NRG3: variants seen among roughly 807,000 people sequenced by gnomAD.
NRG3 encodes neuregulin 3, also known as pro-neuregulin-3, membrane-bound isoform.
A neutral mutation model predicts 66.9 loss-of-function variants in NRG3; 31 were observed. The ratio of observed to expected loss-of-function variants is 0.46; its 90% CI spans 0.35 to 0.63. The LOEUF is 0.63. NRG3 is among the 20% of genes least tolerant of loss of function. The probability of loss-of-function intolerance (pLI) is 0.00; values close to 1 mark genes in which losing one functional copy is unlikely to be tolerated. For missense variants in NRG3, 910 were observed against 878.9 expected (o/e 1.04, Z -0.45); for synonymous variants, 393 against 359.4 (o/e 1.09, Z -1.06).
At chr10:82,075,577 T>G (rs2065045803) in intron 1 of NRG3, among the ~76,000 whole-genome samples, 1 of 152,170 alleles carries the variant, frequency 6.6e-6, no homozygotes, top group Non-Finnish European at 1.5e-5. Context: ...GTAGTGTGAC[T>G]GGGGAGAATG....
At chr10:81,955,897 G>GT (rs1564688424) in intron 1 of NRG3, among the ~76,000 whole-genome samples, 1 of 152,110 alleles carries the variant, frequency 6.6e-6, no homozygotes, top group Non-Finnish European at 1.5e-5. Context: ...AATAGACACC[G>GT]TAAGCTTTTT....
chr10:82,106,473 G>A (rs573442492), intron 1 of NRG3, among the ~76,000 whole-genome samples: 5 of 151,492 alleles, frequency 3.3e-5, no homozygotes, highest in African/African-American at 1.2e-4. Context: ...AAGCTCATTT[G>A]CTCTAGATTT....
chr10:81,964,236 G>T (rs1041522634), intron 1 of NRG3, among the ~76,000 whole-genome samples: 1 of 151,512 alleles, frequency 6.6e-6, no homozygotes, highest in East Asian at 1.9e-4. Flanking sequence ...TCATTTAACC[G>T]TATTGAGTTG....
At chr10:82,955,937 A>G (rs1047840502) in intron 5 of NRG3, among the ~76,000 whole-genome samples, 1 of 151,870 alleles carries the variant, frequency 6.6e-6, no homozygotes, top group Non-Finnish European at 1.5e-5. Context: ...GTGCAAGACC[A>G]TGCCAGCTTC....
At chr10:81,940,569 G>A (rs1848321842) in intron 1 of NRG3, among the ~76,000 whole-genome samples, 1 of 151,676 alleles carries the variant, frequency 6.6e-6, no homozygotes, top group Admixed American at 6.6e-5. Context: ...TGTTGTGCAG[G>A]CTCCTAGTCT....
chr10:82,105,089 A>T (rs773269975), intron 1 of NRG3, among the ~76,000 whole-genome samples: 5 of 152,170 alleles, frequency 3.3e-5, no homozygotes, highest in Admixed American at 2.0e-4. Context: ...ATATTTTCTG[A>T]GGTTATAGAT....
At chr10:82,192,698 C>G (rs184989221) in intron 1 of NRG3, among the ~76,000 whole-genome samples, 5 of 152,142 alleles carry the variant, frequency 3.3e-5, no homozygotes, top group Non-Finnish European at 7.4e-5. Context: ...TTATTGAGCA[C>G]TGATTATTTA....
chr10:82,242,540 A>C (rs2077051076), intron 1 of NRG3, among the ~76,000 whole-genome samples: 1 of 152,216 alleles, frequency 6.6e-6, no homozygotes, highest in Non-Finnish European at 1.5e-5. Flanking sequence ...ATAAGAAAAA[A>C]GTCATTTATA....
At chr10:82,629,825 G>C (rs1025479020) in intron 2 of NRG3, among the ~76,000 whole-genome samples, 1 of 152,194 alleles carries the variant, frequency 6.6e-6, no homozygotes, top group Admixed American at 6.5e-5. Flanking sequence ...GGAACCTTCA[G>C]ATAGTCTTGA....
chr10:82,661,009 G>C (rs1160417590), intron 2 of NRG3, among the ~76,000 whole-genome samples: 1 of 151,998 alleles, frequency 6.6e-6, no homozygotes, highest in Non-Finnish European at 1.5e-5. Context: ...TCTGTATATA[G>C]TGAAAATTAA....
At chr10:81,877,791 C>G (rs1248655109) in intron 1 of NRG3, 2 of 1,373,012 alleles carry the variant, frequency 1.5e-6, no homozygotes, top group African/African-American at 3.0e-5. Flanking sequence ...TTTGAGAGCA[C>G]ATTTTCCCAG....
intron 1 of NRG3, among the ~76,000 whole-genome samples, chr10:82,198,452 T>A (rs554516359): frequency 3.9e-5 from 6 of 152,316 alleles, no homozygotes; most frequent in African/African-American, 1.4e-4. Flanking sequence ...GTAACAGCAC[T>A]ACCCGGTGCT....
chr10:82,158,473 T>A (rs996125710), intron 1 of NRG3, among the ~76,000 whole-genome samples: 7 of 151,760 alleles, frequency 4.6e-5, no homozygotes, highest in African/African-American at 1.7e-4. Flanking sequence ...TATTTGAAAG[T>A]CTAAAATAGG....
At chr10:82,683,445 G>A (rs1008964051) in intron 2 of NRG3, among the ~76,000 whole-genome samples, 4 of 152,006 alleles carry the variant, frequency 2.6e-5, no homozygotes, top group African/African-American at 7.2e-5. Context: ...CTTGCCTACT[G>A]TAACACCTAA....
chr10:82,460,077 A>G (rs2091443457), intron 2 of NRG3, among the ~76,000 whole-genome samples: 1 of 152,090 alleles, frequency 6.6e-6, no homozygotes, highest in Admixed American at 6.5e-5. Context: ...TTTGCTGCCT[A>G]CACAATCTCA....
rs575488651 is a variant in NRG3, at chr10:82,232,833, C to A, written c.824-125906C>A. 3 of 717,292 alleles carry A rather than the reference C, an allele frequency of 4.2e-6. No homozygotes were observed. In the African/African-American group the frequency reaches 5.2e-5, roughly 13 times the overall value. 44.4% of individuals were successfully genotyped at this position (717,292 alleles called of 1,614,324 possible). The stretch of plus-strand genomic sequence containing the variant: ...AACAGGAGCAAGGTAAGTTGTAAGG[C>A]ATGGCCTTTGTTGGGGTTTCTGAGA... On this transcript the variant is annotated intron_variant, in intron 1 of 8. Transcript: ENST00000372141.
At chr10:82,834,231 C>T (rs1259516294) in intron 3 of NRG3, among the ~76,000 whole-genome samples, 1 of 152,114 alleles carries the variant, frequency 6.6e-6, no homozygotes, top group African/African-American at 2.4e-5. Flanking sequence ...CTGTATTAGC[C>T]AGGAAACTGA....
intron 2 of NRG3, among the ~76,000 whole-genome samples, chr10:82,542,383 T>C (rs1284621869): frequency 6.6e-6 from 1 of 152,306 alleles, no homozygotes; most frequent in Non-Finnish European, 1.5e-5. Context: ...AGTCAATTTA[T>C]CAGGCATCCC....
intron 2 of NRG3, among the ~76,000 whole-genome samples, chr10:82,442,784 A>ATTTTTTTTTTTTTTTTTTTTTTTTTTTT (rs61261285): frequency 1.8e-5 from 1 of 54,254 alleles, no homozygotes; most frequent in African/African-American, 9.1e-5. Context: ...TTCTGTGTGG[A>ATTTTTTTTTTTTTTTTTTTTTTTTTTTT]TTTTTTTTTT....
Sources: allele counts gnomAD v4.1 joint callset (sites outside exome capture counted in the v4.1 genomes callset), GRCh38; gene constraint gnomAD v4.1.1; transcripts MANE v1.5; gene names NCBI Gene and HGNC (gene_info 2026-07-23, HGNC 2026-07-21).